Variants in CCDC7 observed in about 807,000 individuals in gnomAD.
The protein encoded by CCDC7 is coiled-coil domain containing 7.
A neutral mutation model predicts 196.9 loss-of-function variants in CCDC7; 183 were observed. The ratio of observed to expected loss-of-function variants is 0.93; its 90% CI spans 0.82 to 1.05. The LOEUF (loss-of-function observed/expected upper bound fraction) is 1.05. Ranked by LOEUF, CCDC7 falls within the 50% of genes least tolerant of loss-of-function variation. The pLI, the probability that CCDC7 is intolerant of heterozygous loss-of-function variation, is 0.00. For synonymous variants in CCDC7, 525 were observed against 484.6 expected (o/e 1.08, Z -1.10); for missense variants, 1,540 against 1,482.2 (o/e 1.04, Z -0.64).
chr10:32,750,691 G>T (rs940697266), intron 28 of CCDC7, among the ~76,000 whole-genome samples: 1 of 152,144 alleles, frequency 6.6e-6, no homozygotes, highest in African/African-American at 2.4e-5. Context: ...CTCTTTGGAG[G>T]TTCACTCTTT....
chr10:32,527,796 G>C (rs1172543809), intron 11 of CCDC7, among the ~76,000 whole-genome samples: 1 of 152,136 alleles, frequency 6.6e-6, no homozygotes, highest in African/African-American at 2.4e-5. Context: ...ATGGCAATTG[G>C]TGAAATAGGA....
intron 9 of CCDC7, chr10:32,511,266 G>GC (rs377024792): frequency 3.6e-6 from 2 of 555,496 alleles, no homozygotes; most frequent in African/African-American, 2.2e-5. Context: ...GGGGGCGGGG[G>GC]GGGCGGGGAA....
chr10:32,863,979 C>G (rs534840355), intron 41 of CCDC7, among the ~76,000 whole-genome samples: 86 of 143,852 alleles, frequency 6.0e-4, no homozygotes, highest in Non-Finnish European at 5.1e-4. Flanking sequence ...AGGCAACCTA[C>G]TGACTGGTAA....
chr10:32,490,659 T>A (rs1033520811), intron 8 of CCDC7, among the ~76,000 whole-genome samples: 2 of 151,918 alleles, frequency 1.3e-5, no homozygotes, highest in African/African-American at 4.8e-5. Flanking sequence ...TACCTGGGTG[T>A]GGTGGTGGGC....
chr10:32,714,021 C>T (rs1269114338), intron 25 of CCDC7, among the ~76,000 whole-genome samples: 6 of 152,122 alleles, frequency 3.9e-5, no homozygotes, highest in Non-Finnish European at 7.3e-5. Flanking sequence ...GCGTGGCTGG[C>T]CAGGATACTG....
intron 16 of CCDC7, among the ~76,000 whole-genome samples, chr10:32,573,074 C>T (rs1024340274): frequency 1.3e-5 from 2 of 151,628 alleles, no homozygotes; most frequent in Admixed American, 6.6e-5. Context: ...GACGGGGTTT[C>T]GCCATGTTGG....
chr10:32,795,090 T>C (rs1240218089), intron 29 of CCDC7, among the ~76,000 whole-genome samples: 1 of 152,244 alleles, frequency 6.6e-6, no homozygotes, highest in Non-Finnish European at 1.5e-5. Flanking sequence ...TCTCTGACTT[T>C]CCTATACCTG....
At chr10:32,811,361 T>C (rs1319970025) in intron 30 of CCDC7, among the ~76,000 whole-genome samples, 1 of 152,012 alleles carries the variant, frequency 6.6e-6, no homozygotes, top group Non-Finnish European at 1.5e-5. Context: ...CAGAAAATAT[T>C]ATGAACAACT....
chr10:32,824,540 T>C, exon 32 of CCDC7: 1 of 1,611,518 alleles, frequency 6.2e-7, no homozygotes, highest in East Asian at 2.2e-5. Flanking sequence ...GATTGCATAG[T>C]ACAACTGAGA....
chr10:32,634,191 T>C (rs940943635), intron 18 of CCDC7, 63 bp from the exon 20 acceptor site: 2 of 697,182 alleles, frequency 2.9e-6, no homozygotes, highest in African/African-American at 3.7e-5. Flanking sequence ...AAATGTGAAA[T>C]TTGGAGATTT....
At chr10:32,666,724 C>T (rs541302458) in intron 21 of CCDC7, among the ~76,000 whole-genome samples, 71 of 152,154 alleles carry the variant, frequency 4.7e-4, no homozygotes, top group African/African-American at 1.4e-3. Flanking sequence ...TTTATGGTTG[C>T]GTATTATTCC....
intron 5 of CCDC7, among the ~76,000 whole-genome samples, chr10:32,466,670 C>A (rs2036861514): frequency 1.3e-5 from 2 of 152,170 alleles, no homozygotes; most frequent in Admixed American, 6.5e-5. Flanking sequence ...ATCCAGTCAA[C>A]CACTGATGGA....
At chr10:32,827,591 CA>C (rs1440869205) in intron 32 of CCDC7, among the ~76,000 whole-genome samples, 1 of 139,678 alleles carries the variant, frequency 7.2e-6, no homozygotes. Flanking sequence ...GGGAGTTGAA[CA>C]ATGAGAACAC....
At chr10:32,663,811 AC>A (rs1242022386) in intron 20 of CCDC7, among the ~76,000 whole-genome samples, 1 of 151,964 alleles carries the variant, frequency 6.6e-6, no homozygotes, top group Non-Finnish European at 1.5e-5. Context: ...ATAATTAAGA[AC>A]AAGTAGAGGC....
At chr10:32,601,476 T>A (rs1187943410) in intron 18 of CCDC7, among the ~76,000 whole-genome samples, 1 of 152,236 alleles carries the variant, frequency 6.6e-6, no homozygotes, top group East Asian at 1.9e-4. Context: ...GGCTTGTGTT[T>A]TACGTTTTTG....
chr10:32,753,971 C>A (rs2133563412), intron 28 of CCDC7, among the ~76,000 whole-genome samples: 1 of 152,004 alleles, frequency 6.6e-6, no homozygotes, highest in East Asian at 1.9e-4. Flanking sequence ...TGGAGAAAAT[C>A]TCTTACTAAT....
intron 14 of CCDC7, among the ~76,000 whole-genome samples, chr10:32,566,017 T>G (rs1415539920): frequency 6.6e-6 from 1 of 152,128 alleles, no homozygotes; most frequent in Non-Finnish European, 1.5e-5. Flanking sequence ...ACTACTCTTT[T>G]TAAAATTTTA....
rs746968934 is a variant in CCDC7 at position 32,471,068 on chromosome 10, G to A, written c.515G>A (p.Ser172Asn). ...TGGTTAATTTTATTATTTTAGATAA[G>A]TAAAGATCAAACTCTTTTACAAGCA... The change falls in exon 6 of 42, where the codon AGT becomes AAT. Residue 172 changes from serine to asparagine, a missense_variant. Ser to Asn is a conservative substitution (Grantham distance 46). Transcript: ENST00000639629. The A allele has an allele frequency of 1.9e-6, 3 of 1,594,340 alleles. No individual in the cohort carries two copies. The Admixed American group carries it at 5.4e-5, about 29-fold the overall frequency.
chr10:32,687,560 A>G (rs1357641855), intron 22 of CCDC7, among the ~76,000 whole-genome samples: 2 of 152,196 alleles, frequency 1.3e-5, no homozygotes, highest in South Asian at 2.1e-4. Context: ...CTCACACCAT[A>G]TAGCATTATC....
Sources: gnomAD v4.1 joint callset for allele counts (sites outside exome capture counted in the v4.1 genomes callset) on GRCh38, gnomAD v4.1.1 for gene constraint, MANE v1.5 for transcripts, NCBI Gene and HGNC (gene_info 2026-07-23, HGNC 2026-07-21) for gene names.